Variants in SLC43A2 observed in about 807,000 individuals in gnomAD.
The protein encoded by SLC43A2 is solute carrier family 43 member 2, also known as large neutral amino acids transporter small subunit 4.
SLC43A2 carries 38 observed loss-of-function variants against 63.2 expected under a neutral mutation model. The observed-to-expected ratio is 0.60, with a 90% confidence interval of 0.46 to 0.79. The LOEUF is 0.79. Ranked by LOEUF, SLC43A2 falls within the 30% of genes least tolerant of loss-of-function variation. The pLI is 0.00. For synonymous variants in SLC43A2, 322 were observed against 331.0 expected (o/e 0.97, Z 0.30); for missense variants, 644 against 756.2 (o/e 0.85, Z 1.74).
chr17:1,572,925 C>G lies in SLC43A2; in HGVS notation c.*2679G>C, dbSNP rs1212050572. 2.0e-5 allele frequency: 3 copies of G among 152,178 alleles called. No homozygotes were observed. The highest frequency in any genetic ancestry group is 7.2e-5 in the African/African-American group (3 of 41,426). 9.4% of individuals were successfully genotyped at this position (152,178 alleles called of 1,614,324 possible). ...TTGTGACTCACGCCTGTAATCTCAG[C>G]ACTTTGGGAGGCTGAGGTGGGAGAA... is the stretch of plus-strand genomic sequence containing the variant. On this transcript the variant is annotated 3_prime_UTR_variant, in exon 14 of 14. Transcript: ENST00000301335.
intron 1 of SLC43A2, 47 bp from the exon 2 acceptor site, chr17:1,627,967 G>C: frequency 7.6e-7 from 1 of 1,315,516 alleles, no homozygotes; most frequent in Non-Finnish European, 9.7e-7. Flanking sequence ...CCCAGCCCCT[G>C]CGGCCGCCCC....
At chr17:1,616,329 G>A (rs920123176) in intron 3 of SLC43A2, 38 of 550,434 alleles carry the variant, frequency 6.9e-5, no homozygotes, top group African/African-American at 9.5e-5. Flanking sequence ...AAGCAGCTCC[G>A]GTCCCTGGGC....
intron 9 of SLC43A2, chr17:1,586,928 T>TGGGGCCCCCCCCCCCCCCCCCAAACC: frequency 8.1e-7 from 1 of 1,232,916 alleles, no homozygotes; most frequent in Non-Finnish European, 1.1e-6. Context: ...TCCCTGACAA[T>TGGGGCCCCCCCCCCCCCCCCCAAACC]CCCCCCCACC....
intron 2 of SLC43A2, among the ~76,000 whole-genome samples, chr17:1,627,490 C>T (rs1178427491): frequency 6.6e-6 from 1 of 152,186 alleles, no homozygotes; most frequent in African/African-American, 2.4e-5. Context: ...CCAGGCTCTG[C>T]GGCCTTGCGC....
intron 2 of SLC43A2, among the ~76,000 whole-genome samples, chr17:1,622,857 T>A (rs1318994824): frequency 6.6e-6 from 1 of 151,972 alleles, no homozygotes; most frequent in East Asian, 1.9e-4. Flanking sequence ...GAGTTTGCGG[T>A]GAGCTGAGAT....
At chr17:1,586,929 C>CCCCCCCCCCCCCCCCCTACCCCCGCCCCT in intron 9 of SLC43A2, 1 of 657,350 alleles carries the variant, frequency 1.5e-6, no homozygotes, top group Non-Finnish European at 2.5e-6. Context: ...CCCTGACAAT[C>CCCCCCCCCCCCCCCCCTACCCCCGCCCCT]CCCCCCACCC....
At position 1,593,407 on chromosome 17, in the gene SLC43A2, G is replaced by GAA; in HGVS notation, c.502-129_502-128insTT. ...GCGCCCCTTCCTGTGTGACTCACAGGGGCATTAGTTCAGGGGCAATGACCG... is the reference window on the plus strand; with the variant it reads ...GCGCCCCTTCCTGTGTGACTCACAGGAAGGCATTAGTTCAGGGGCAATGACCG... On this transcript the variant is annotated intron_variant, in intron 5 of 13. Coordinates refer to ENST00000301335, the MANE Select transcript of SLC43A2 (RefSeq NM_152346.3). This position sits in a 1 kb window ranked among gnomAD's most constrained non-coding sequence, Gnocchi z 5.3. 1 of 804,008 alleles carries GAA rather than the reference G, an allele frequency of 1.2e-6. No homozygotes were observed. Among genetic ancestry groups the GAA allele is most frequent in the Non-Finnish European group, 2.1e-6 (1 of 484,490 alleles). 49.8% of individuals were successfully genotyped at this position (804,008 alleles called of 1,614,324 possible).
chr17:1,604,976 G>A (rs1285653811), intron 5 of SLC43A2: 14 of 1,461,774 alleles, frequency 9.6e-6, no homozygotes, highest in African/African-American at 5.6e-5. Context: ...GCGCCCTAGC[G>A]CGGGCCTCGA....
intron 9 of SLC43A2, chr17:1,587,009 G>A: frequency 6.7e-7 from 1 of 1,492,794 alleles, no homozygotes; most frequent in Non-Finnish European, 8.9e-7. Flanking sequence ...AGAGGTTAGT[G>A]GCAGAAATCT....
intron 3 of SLC43A2, among the ~76,000 whole-genome samples, chr17:1,615,634 G>C (rs1598487562): frequency 1.3e-5 from 2 of 150,190 alleles, no homozygotes; most frequent in South Asian, 2.1e-4. Flanking sequence ...ACAAGGTCAG[G>C]AGATCGAGAC....
intron 5 of SLC43A2, among the ~76,000 whole-genome samples, chr17:1,607,772 G>A (rs1428080766): frequency 6.6e-6 from 1 of 151,990 alleles, no homozygotes; most frequent in Non-Finnish European, 1.5e-5. Flanking sequence ...CTGGAGTGCA[G>A]TGGCACAATC....
chr17:1,598,935 T>A (rs370781726), intron 5 of SLC43A2, among the ~76,000 whole-genome samples: 6 of 152,330 alleles, frequency 3.9e-5, no homozygotes, highest in African/African-American at 1.2e-4. Context: ...CTTCCCAACA[T>A]GTTATTCTGG....
rs995135670 is a variant in SLC43A2 at position 1,594,883 on chromosome 17, C to T, written c.502-1604G>A. ...GATTACAGGCGTGAGCCACCGCGCCCAACCTTTTTTTCTTGTTTTAAGAGA... is the reference window on the plus strand; with the variant it reads ...GATTACAGGCGTGAGCCACCGCGCCTAACCTTTTTTTCTTGTTTTAAGAGA... On this transcript the variant is annotated intron_variant, in intron 5 of 13. Transcript: ENST00000301335. Among the ~76,000 whole-genome samples the T allele has an allele frequency of 2.6e-4, 39 of 151,954 alleles. 1 individual carries two copies. The highest frequency in any genetic ancestry group is 4.7e-4 in the Non-Finnish European group (32 of 67,984).
Position 1,570,463 on chromosome 17 carries a change from G to C in SLC43A2, c.*5141C>G, listed in dbSNP as rs1439080802. 6.6e-6 allele frequency: 1 copy of C among 152,272 alleles called. No homozygotes were observed. The highest frequency in any genetic ancestry group is 1.5e-5 in the Non-Finnish European group (1 of 68,334). 9.4% of individuals were successfully genotyped at this position (152,272 alleles called of 1,614,324 possible). On this transcript the variant is annotated 3_prime_UTR_variant, in exon 14 of 14. Coordinates refer to ENST00000301335, the MANE Select transcript of SLC43A2 (RefSeq NM_152346.3). ...CCCTGTCCCAGCTGCCTTCTTCCTG[G>C]GCACTGAAAACGATGCTACCATTGT...
rs2075898749 is a variant in SLC43A2 at position 1,574,919 on chromosome 17, G to A, written c.*685C>T. 1.3e-5 allele frequency: 2 copies of A among 153,306 alleles called. No homozygotes were observed. Among genetic ancestry groups the A allele is most frequent in the East Asian group, 3.9e-4 (2 of 5,194 alleles). 9.5% of individuals were successfully genotyped at this position (153,306 alleles called of 1,614,324 possible). Reference sequence around the variant, plus strand: ...CCTTCAGGTGGCAGACAGAACGAGGGTGACAGTGAAAACGTGTCCGCGGCA... The same window carrying A: ...CCTTCAGGTGGCAGACAGAACGAGGATGACAGTGAAAACGTGTCCGCGGCA... On this transcript the variant is annotated 3_prime_UTR_variant, in exon 14 of 14. Coordinates refer to ENST00000301335, the MANE Select transcript of SLC43A2 (RefSeq NM_152346.3).
chr17:1,601,515 C>T (rs1050021588), intron 5 of SLC43A2, among the ~76,000 whole-genome samples: 24 of 152,106 alleles, frequency 1.6e-4, no homozygotes, highest in African/African-American at 4.1e-4. Flanking sequence ...GATGCAAAGG[C>T]GCTACTGAGC....
intron 9 of SLC43A2, among the ~76,000 whole-genome samples, chr17:1,587,474 C>A (rs2076122631): frequency 6.6e-6 from 1 of 152,222 alleles, no homozygotes; most frequent in African/African-American, 2.4e-5. Flanking sequence ...AGCTGGTCTC[C>A]CTTCCACTCC....
In SLC43A2 at chr17:1,578,640, G is replaced by A. The variant is rs1056990012; in HGVS notation, c.1351-317C>T. On this transcript the variant is annotated intron_variant, in intron 11 of 13. Transcript: ENST00000301335. This position sits in a 1 kb window ranked among gnomAD's most constrained non-coding sequence, Gnocchi z 6.5. ...CCTCCTGGATTCAAGCAATTCTCCT[G>A]CCTCAGCCTTCGGAGTAGCTAGGAT... is the stretch of plus-strand genomic sequence containing the variant. The A allele has an allele frequency of 3.6e-5, 11 of 304,290 alleles. No homozygotes were observed. Among genetic ancestry groups the A allele is most frequent in the African/African-American group, 2.4e-4 (11 of 46,630 alleles). 18.8% of individuals were successfully genotyped at this position (304,290 alleles called of 1,614,324 possible).
Position 1,627,829 on chromosome 17 carries a change from C to A in SLC43A2, c.46G>T (p.Ala16Ser). Reference protein sequence around the residue: ...ATAHRRRWWMACTAVLENLLF... With the variant: ...ATAHRRRWWMSCTAVLENLLF... ...AGGTTCTCCAGCACGGCCGTGCAGGCCATCCACCAGCGGCGCCGATGGGCA... is the reference window on the plus strand; with the variant it reads ...AGGTTCTCCAGCACGGCCGTGCAGGACATCCACCAGCGGCGCCGATGGGCA... The change falls in exon 2 of 14, where the codon GCC (alanine) becomes TCC (serine). Residue 16 changes from alanine (A) to serine (S), a missense_variant. Ala to Ser is a moderately conservative substitution (Grantham distance 99). This residue lies in a region of SLC43A2 where 528 missense variants were observed against 623.6 expected (regional missense o/e 0.85). Transcript: ENST00000301335. 6.3e-7 allele frequency: 1 copy of A among 1,591,092 alleles called. No homozygotes were observed. The highest frequency in any genetic ancestry group is 8.6e-7 in the Non-Finnish European group (1 of 1,169,238).
Sources: allele counts gnomAD v4.1 joint callset (sites outside exome capture counted in the v4.1 genomes callset), GRCh38; gene constraint gnomAD v4.1.1; regional missense constraint gnomAD v4.1.1; non-coding constraint Gnocchi (gnomAD v3.1); transcripts MANE v1.5; gene names NCBI Gene and HGNC (gene_info 2026-07-23, HGNC 2026-07-21).